The following ANK2 variants were observed in gnomAD, a reference collection of about 807,000 sequenced individuals.
ANK2 encodes ankyrin-2.
ANK2 carries 83 observed loss-of-function variants against 360.5 expected under a neutral mutation model. The ratio of observed to expected loss-of-function variants is 0.23; its 90% CI spans 0.19 to 0.28. The LOEUF (loss-of-function observed/expected upper bound fraction) is 0.28, where lower values mean the gene tolerates loss of function less well. Ranked by LOEUF, ANK2 falls within the 10% of genes least tolerant of loss-of-function variation. The probability of loss-of-function intolerance (pLI) is 1.00; values close to 1 mark genes in which losing one functional copy is unlikely to be tolerated. For synonymous variants in ANK2, 1,740 were observed against 1,759.5 expected, an observed-to-expected ratio of 0.99 and a Z score of 0.28; for missense variants, 4,201 against 4,795.7, an observed-to-expected ratio of 0.88 and a Z score of 3.66.
intron 8 of ANK2, 84 bp from the exon 9 acceptor site, chr4:113,242,026 CT>C: frequency 1.8e-6 from 2 of 1,091,952 alleles, no homozygotes; most frequent in Non-Finnish European, 2.8e-6. Context: ...TAGGTCACAA[CT>C]TCCTTTGTGG....
At chr4:112,842,898 C>T (rs1315195403) in intron 1 of ANK2, among the ~76,000 whole-genome samples, 3 of 152,230 alleles carry the variant, frequency 2.0e-5, no homozygotes, top group Admixed American at 6.5e-5. Flanking sequence ...GGGCTGAAAG[C>T]GAGGTGCCCG....
intron 1 of ANK2, among the ~76,000 whole-genome samples, chr4:113,137,213 G>A (rs1047542538): frequency 6.6e-6 from 1 of 152,202 alleles, no homozygotes; most frequent in Non-Finnish European, 1.5e-5. Context: ...CTTGGCTAAG[G>A]CGCATGACAA....
chr4:112,971,288 A>C (rs2039418910), intron 2 of ANK2, among the ~76,000 whole-genome samples: 1 of 152,222 alleles, frequency 6.6e-6, no homozygotes, highest in South Asian at 2.1e-4. Flanking sequence ...TCCAGCAGAC[A>C]GACTTTATTC....
intron 2 of ANK2, among the ~76,000 whole-genome samples, chr4:112,981,168 C>T (rs1057034303): frequency 1.3e-5 from 2 of 152,100 alleles, no homozygotes; most frequent in Non-Finnish European, 2.9e-5. Flanking sequence ...GAGATGTGCT[C>T]AAGTGAAGTG....
In ANK2 at chr4:113,367,714, C is replaced by G; in HGVS notation, c.11181C>G (p.Gly3727=). The stretch of plus-strand genomic sequence containing the variant: ...TTGGTTATTCCACTTTTCAGGATGG[C>G]GTCCCCAAAACTGAGGGGGACAGCT... The part of the protein sequence containing the change: ...ISVGYSTFQD[G]VPKTEGDSSA... The change falls in exon 42 of 46, where the codon GGC becomes GGG. Residue 3727 remains glycine (G), a synonymous_variant. Transcript: ENST00000357077. 6.2e-7 allele frequency: 1 copy of G among 1,613,708 alleles called. No homozygotes were observed. The highest frequency in any genetic ancestry group is 1.1e-5 in the South Asian group (1 of 91,044).
intron 1 of ANK2, among the ~76,000 whole-genome samples, chr4:113,099,889 C>A (rs997580962): frequency 1.1e-4 from 17 of 151,916 alleles, no homozygotes; most frequent in African/African-American, 4.1e-4. Flanking sequence ...GTGTTTTCAA[C>A]AAATGGTGCT....
At chr4:113,249,923 T>C in intron 10 of ANK2, 61 bp downstream of exon 10, 1 of 1,437,742 alleles carries the variant, frequency 7.0e-7, no homozygotes, top group Non-Finnish European at 9.7e-7. Flanking sequence ...ATGTATTATC[T>C]CTATTCTTTT....
chr4:112,912,499 A>G (rs1164124543), intron 2 of ANK2, among the ~76,000 whole-genome samples: 3 of 151,996 alleles, frequency 2.0e-5, no homozygotes. Context: ...GGTGGTGTAT[A>G]TTATGATTTT....
At chr4:113,296,918 A>G (rs1490004752) in intron 22 of ANK2, among the ~76,000 whole-genome samples, 1 of 152,214 alleles carries the variant, frequency 6.6e-6, no homozygotes, top group African/African-American at 2.4e-5. Context: ...GTTGCATATA[A>G]TTGGTATGCA....
At chr4:113,028,979 T>C (rs973396160) in intron 2 of ANK2, among the ~76,000 whole-genome samples, 4 of 152,126 alleles carry the variant, frequency 2.6e-5, no homozygotes, top group African/African-American at 9.7e-5. Context: ...TATCTTGGAA[T>C]AACATGTTGC....
intron 1 of ANK2, among the ~76,000 whole-genome samples, chr4:112,830,076 A>G (rs1485115188): frequency 6.6e-6 from 1 of 152,236 alleles, no homozygotes; most frequent in African/African-American, 2.4e-5. Context: ...GTCAGCCACT[A>G]TGGAAAGCAG....
At chr4:112,958,273 G>A (rs887308391) in intron 2 of ANK2, among the ~76,000 whole-genome samples, 2 of 152,246 alleles carry the variant, frequency 1.3e-5, no homozygotes, top group Non-Finnish European at 2.9e-5. Context: ...AGCGAGCCGA[G>A]ATCACGCCAT....
chr4:112,751,282 C>T, the ANK2 span, among the ~76,000 whole-genome samples: 6 of 152,124 alleles, frequency 3.9e-5, no homozygotes, highest in South Asian at 4.2e-4. Flanking sequence ...CAGCAGCAAG[C>T]GACCCGTGAA....
chr4:113,221,536 G>A (rs931841332), intron 4 of ANK2, among the ~76,000 whole-genome samples: 15 of 151,986 alleles, frequency 9.9e-5, no homozygotes, highest in Admixed American at 3.9e-4. Context: ...GCACAGGCCT[G>A]TAATCCCAGC....
At chr4:113,163,507 G>A (rs1395703456) in intron 1 of ANK2, among the ~76,000 whole-genome samples, 1 of 151,582 alleles carries the variant, frequency 6.6e-6, no homozygotes, top group East Asian at 1.9e-4. Context: ...GCTCACTCCT[G>A]TAATCACAGC....
At chr4:113,213,780 A>G (rs554389065) in intron 4 of ANK2, among the ~76,000 whole-genome samples, 16 of 152,226 alleles carry the variant, frequency 1.1e-4, no homozygotes, top group African/African-American at 3.6e-4. Flanking sequence ...TTGCAGAGGA[A>G]ACGTTCCAAA....
rs570683995 is a variant in ANK2 at position 113,224,412 on chromosome 4, T to G, written c.385-7749T>G. Among the ~76,000 whole-genome samples, 10 of 152,304 alleles carry G rather than the reference T, an allele frequency of 6.6e-5. No homozygotes were observed. In the South Asian group the frequency reaches 2.1e-3, roughly 32 times the overall value. Reference sequence around the variant, plus strand: ...CGAGGCCTGAAAGATTAAGAAGATATGGTAAGAGTTTCCAACATCTCTGCA... The same window carrying G: ...CGAGGCCTGAAAGATTAAGAAGATAGGGTAAGAGTTTCCAACATCTCTGCA... On this transcript the variant is annotated intron_variant, in intron 4 of 45. Coordinates refer to ENST00000357077, the MANE Select transcript of ANK2 (RefSeq NM_001148.6).
At position 113,354,141 on chromosome 4, in the gene ANK2, G is replaced by A. The variant is rs148234093; in HGVS notation, c.5523G>A (p.Arg1841=). The A allele has an allele frequency of 2.5e-5, 40 of 1,613,832 alleles. No homozygotes were observed. In the African/African-American group the frequency reaches 5.1e-4, roughly 20 times the overall value. Residue 1841 remains arginine, a synonymous_variant, in exon 38 of 46, where the codon AGG becomes AGA. Coordinates refer to ENST00000357077, the MANE Select transcript of ANK2 (RefSeq NM_001148.6). ...STLSSSAKTE[R]HPPVSPSSKT... ...TTTCCTCTTCCGCAAAAACTGAAAG[G>A]CACCCTCCAGTATCACCATCAAGTA...
intron 2 of ANK2, among the ~76,000 whole-genome samples, chr4:112,987,565 G>GCT (rs1334319412): frequency 2.6e-5 from 4 of 152,026 alleles, no homozygotes; most frequent in African/African-American, 4.8e-5. Flanking sequence ...TGACCAACTG[G>GCT]CTCTCAGGTC....
Sources: gnomAD v4.1 joint callset for allele counts (sites outside exome capture counted in the v4.1 genomes callset) on GRCh38, gnomAD v4.1.1 for gene constraint, MANE v1.5 for transcripts, NCBI Gene and HGNC (gene_info 2026-07-23, HGNC 2026-07-21) for gene names.